The following NEBL variants were observed in gnomAD, a reference collection of about 807,000 sequenced individuals.
NEBL encodes the protein LIM and SH3 protein 2.
Under a neutral mutation model 140.2 loss-of-function variants are expected in NEBL, and 122 were observed. That is an observed-to-expected ratio of 0.87 (90% confidence interval 0.75 to 1.01). NEBL has a LOEUF of 1.01. Ranked by LOEUF, NEBL falls within the 50% of genes least tolerant of loss-of-function variation. The pLI, the probability that NEBL is intolerant of heterozygous loss-of-function variation, is 0.00. For missense variants in NEBL, 1,365 were observed against 1,231.3 expected (o/e 1.11, Z -1.62); for synonymous variants, 436 against 398.9 (o/e 1.09, Z -1.11).
chr10:20,897,692 G>T, upstream of NEBL: 1 of 325,946 alleles, frequency 3.1e-6, no homozygotes, highest in Non-Finnish European at 4.4e-6. Context: ...CTTCTGACTT[G>T]GGGTAGTGAA....
intron 1 of NEBL, among the ~76,000 whole-genome samples, chr10:21,172,731 G>T (rs1301438712): frequency 6.6e-6 from 1 of 152,172 alleles, no homozygotes; most frequent in Non-Finnish European, 1.5e-5. Flanking sequence ...TCAAGGTTCT[G>T]TCGAAACAGC....
At chr10:21,183,503 T>C (rs1334082329) in intron 3 of NEBL, among the ~76,000 whole-genome samples, 1 of 152,174 alleles carries the variant, frequency 6.6e-6, no homozygotes, top group Non-Finnish European at 1.5e-5. Flanking sequence ...CAGGGTTTTC[T>C]GAGCCCAGAA....
chr10:21,265,389 C>T (rs969358163), intron 1 of NEBL, among the ~76,000 whole-genome samples: 2 of 152,328 alleles, frequency 1.3e-5, no homozygotes, highest in South Asian at 4.1e-4. Context: ...CTCTTACTCT[C>T]ACGCTGCAAA....
chr10:21,074,795 TTTGTTGTTGTTG>T (rs71747504), intron 2 of NEBL, among the ~76,000 whole-genome samples: 2 of 148,760 alleles, frequency 1.3e-5, no homozygotes, highest in South Asian at 2.2e-4. Flanking sequence ...TATATATATT[TTTGTTGTTGTTG>T]TTGTTGTTGT....
chr10:20,860,421 G>A (rs964597851), intron 7 of NEBL, among the ~76,000 whole-genome samples: 2 of 151,678 alleles, frequency 1.3e-5, no homozygotes, highest in Non-Finnish European at 2.9e-5. Context: ...TCTCTAAATT[G>A]TTTGTCTCCT....
At chr10:20,842,997 A>T (rs1384891628) in intron 12 of NEBL, among the ~76,000 whole-genome samples, 1 of 152,080 alleles carries the variant, frequency 6.6e-6, no homozygotes, top group Non-Finnish European at 1.5e-5. Context: ...TTCACCTGGC[A>T]TCATAGTCGT....
chr10:21,253,226 G>A (rs1460645641), intron 1 of NEBL, among the ~76,000 whole-genome samples: 2 of 152,194 alleles, frequency 1.3e-5, no homozygotes, highest in Non-Finnish European at 2.9e-5. Flanking sequence ...AGCCAAGATC[G>A]TGCCATTGCA....
intron 2 of NEBL, among the ~76,000 whole-genome samples, chr10:21,165,976 A>G (rs1461690821): frequency 3.3e-5 from 5 of 152,064 alleles, no homozygotes; most frequent in Non-Finnish European, 7.4e-5. Context: ...AATATTTTCT[A>G]TTGGGAGGCC....
intron 7 of NEBL, 85 bp downstream of exon 7, chr10:20,868,579 A>T: frequency 1.1e-6 from 1 of 934,124 alleles, no homozygotes; most frequent in East Asian, 2.4e-5. Flanking sequence ...AATTAAAGAT[A>T]TTATCTAAAA....
intron 20 of NEBL, chr10:20,818,735 C>A (rs747190477): frequency 1.1e-6 from 1 of 938,840 alleles, no homozygotes; most frequent in East Asian, 1.2e-4. Flanking sequence ...CAGGACAATG[C>A]CCAGTACATT....
At chr10:21,136,218 C>T (rs938916180) in intron 2 of NEBL, among the ~76,000 whole-genome samples, 4 of 152,208 alleles carry the variant, frequency 2.6e-5, no homozygotes, top group African/African-American at 9.6e-5. Context: ...CAGTCCACTC[C>T]ACACTTGCTG....
At chr10:21,043,939 A>G (rs547996694) in intron 2 of NEBL, among the ~76,000 whole-genome samples, 2 of 152,338 alleles carry the variant, frequency 1.3e-5, no homozygotes, top group South Asian at 4.1e-4. Context: ...CTACAACTCT[A>G]AATAGATCCA....
chr10:20,796,367 G>GAAAAAA (rs57844177), intron 26 of NEBL, among the ~76,000 whole-genome samples: 4 of 51,500 alleles, frequency 7.8e-5, no homozygotes, highest in Non-Finnish European at 1.1e-4. Flanking sequence ...TCTAAAACAA[G>GAAAAAA]AAAAAAAAAA....
chr10:21,139,174 G>A (rs558857847), intron 2 of NEBL, among the ~76,000 whole-genome samples: 2 of 151,922 alleles, frequency 1.3e-5, no homozygotes, highest in Non-Finnish European at 2.9e-5. Flanking sequence ...CATAGCACTA[G>A]TGGAACTTTT....
In NEBL at chr10:21,159,125, A is replaced by G. The variant is rs138848631; in HGVS notation, c.164+13258T>C. Among the ~76,000 whole-genome samples, 156 of 152,244 alleles carry G rather than the reference A, an allele frequency of 1.0e-3. 1 individual carries two copies. Among genetic ancestry groups the G allele is most frequent in the African/African-American group, 3.5e-3 (147 of 41,550 alleles). On this transcript the variant is annotated intron_variant, in intron 2 of 6. Coordinates refer to the NEBL transcript ENST00000417816. ...TGCTTTTCCTCCACCCTTTTTTTAAAGATGTATTCCCCCTTTCTCTCTCTG... is the reference window on the plus strand; with the variant it reads ...TGCTTTTCCTCCACCCTTTTTTTAAGGATGTATTCCCCCTTTCTCTCTCTG...
intron 3 of NEBL, among the ~76,000 whole-genome samples, chr10:21,007,788 G>C (rs1838193089): frequency 6.6e-6 from 1 of 152,114 alleles, no homozygotes; most frequent in African/African-American, 2.4e-5. Flanking sequence ...TTATATAGTA[G>C]AATGAGTGAT....
At chr10:21,227,635 A>T (rs1589337530) in intron 3 of NEBL, among the ~76,000 whole-genome samples, 1 of 151,458 alleles carries the variant, frequency 6.6e-6, no homozygotes, top group African/African-American at 2.4e-5. Context: ...CACTAAGGGA[A>T]TTCAAAAGCA....
At chr10:21,129,855 T>A (rs1589264385) in intron 2 of NEBL, among the ~76,000 whole-genome samples, 1 of 151,734 alleles carries the variant, frequency 6.6e-6, no homozygotes, top group East Asian at 1.9e-4. Context: ...GGGCAAAAAA[T>A]TTAAAATAGT....
intron 4 of NEBL, among the ~76,000 whole-genome samples, chr10:20,930,164 A>G (rs771982421): frequency 2.0e-5 from 3 of 152,060 alleles, no homozygotes; most frequent in Non-Finnish European, 4.4e-5. Context: ...AAATGTGTCT[A>G]CCTTTAATTT....
Sources: allele counts gnomAD v4.1 joint callset (sites outside exome capture counted in the v4.1 genomes callset), GRCh38; gene constraint gnomAD v4.1.1; transcripts MANE v1.5; gene names NCBI Gene and HGNC (gene_info 2026-07-23, HGNC 2026-07-21).